ADCY2: variants seen among roughly 807,000 people sequenced by gnomAD.
The protein encoded by ADCY2 is adenylate cyclase 2.
Under a neutral mutation model 125.2 loss-of-function variants are expected in ADCY2, and 31 were observed. That is an observed-to-expected ratio of 0.25 (90% CI 0.19 to 0.33). The LOEUF is 0.33. ADCY2 is among the 10% of genes least tolerant of loss of function. The pLI, the probability that ADCY2 is intolerant of heterozygous loss-of-function variation, is 1.00. For missense variants in ADCY2, 904 were observed against 1,418.2 expected (o/e 0.64, Z 5.82); for synonymous variants, 512 against 548.4 (o/e 0.93, Z 0.93).
intron 22 of ADCY2, among the ~76,000 whole-genome samples, chr5:7,806,590 C>T (rs1744768845): frequency 6.6e-6 from 1 of 152,146 alleles, no homozygotes; most frequent in African/African-American, 2.4e-5. Flanking sequence ...TCTCTTAGGC[C>T]TCCCATGGAG....
In ADCY2 at chr5:7,775,710, C is replaced by T. The variant is rs375708103; in HGVS notation, c.2384+2609C>T. Among the ~76,000 whole-genome samples, 33 of 152,266 alleles carry T rather than the reference C, an allele frequency of 2.2e-4. No individual in the cohort carries two copies. In the South Asian group the frequency reaches 6.8e-3, roughly 32 times the overall value. On this transcript the variant is annotated intron_variant, in intron 18 of 24. Coordinates refer to ENST00000338316, the MANE Select transcript of ADCY2 (RefSeq NM_020546.3). ...CCAGACTTAGTTATTTTTAAATGTACAATTAAGTTATTATTGATTATAGTT... is the reference window on the plus strand; with the variant it reads ...CCAGACTTAGTTATTTTTAAATGTATAATTAAGTTATTATTGATTATAGTT...
intron 16 of ADCY2, among the ~76,000 whole-genome samples, chr5:7,761,867 G>A (rs1743230058): frequency 6.6e-6 from 1 of 152,190 alleles, no homozygotes; most frequent in African/African-American, 2.4e-5. Context: ...CGATCCTTTA[G>A]AGAGAGAACA....
At chr5:7,745,016 G>A (rs1229698445) in intron 15 of ADCY2, among the ~76,000 whole-genome samples, 4 of 152,164 alleles carry the variant, frequency 2.6e-5, no homozygotes, top group Non-Finnish European at 4.4e-5. Context: ...TGGCTTCTAT[G>A]AAAGAATTTT....
intron 12 of ADCY2, among the ~76,000 whole-genome samples, chr5:7,724,309 T>C (rs963305566): frequency 6.6e-6 from 1 of 152,024 alleles, no homozygotes; most frequent in Non-Finnish European, 1.5e-5. Flanking sequence ...GTTTATAATA[T>C]AGAATTTTCC....
chr5:7,501,524 A>G (rs1579509123), intron 2 of ADCY2, among the ~76,000 whole-genome samples: 1 of 152,116 alleles, frequency 6.6e-6, no homozygotes, highest in South Asian at 2.1e-4. Flanking sequence ...TAGTTTTGAT[A>G]TAGAATAAAA....
chr5:7,509,559 CCT>C (rs1457760017), intron 2 of ADCY2, among the ~76,000 whole-genome samples: 1 of 152,148 alleles, frequency 6.6e-6, no homozygotes, highest in Non-Finnish European at 1.5e-5. Context: ...TATTGTTTTA[CCT>C]CTGATTCCAT....
intron 7 of ADCY2, among the ~76,000 whole-genome samples, chr5:7,702,875 C>T (rs1225514528): frequency 6.6e-6 from 1 of 152,182 alleles, no homozygotes; most frequent in Non-Finnish European, 1.5e-5. Flanking sequence ...TTCTCCACGT[C>T]CTCTCCAGCA....
At chr5:7,736,300 A>C (rs1006366158) in intron 14 of ADCY2, among the ~76,000 whole-genome samples, 1 of 152,220 alleles carries the variant, frequency 6.6e-6, no homozygotes, top group Non-Finnish European at 1.5e-5. Flanking sequence ...CTTTGTAAGT[A>C]GATTTTTTTA....
intron 18 of ADCY2, among the ~76,000 whole-genome samples, chr5:7,775,457 C>G (rs549902588): frequency 3.0e-4 from 45 of 152,168 alleles, no homozygotes; most frequent in Admixed American, 8.5e-4. Context: ...GTGGTTTGAT[C>G]TCTGCTCAGT....
chr5:7,646,132 AC>A (rs1332051655), intron 4 of ADCY2, among the ~76,000 whole-genome samples: 7 of 152,138 alleles, frequency 4.6e-5, no homozygotes, highest in African/African-American at 7.2e-5. Flanking sequence ...TTTAAAAAAA[AC>A]GTTGGAAGCA....
At chr5:7,573,110 A>T (rs900279288) in intron 3 of ADCY2, among the ~76,000 whole-genome samples, 1 of 152,156 alleles carries the variant, frequency 6.6e-6, no homozygotes, top group African/African-American at 2.4e-5. Flanking sequence ...CCTAGAAGAA[A>T]CCAACTCTGC....
intron 3 of ADCY2, among the ~76,000 whole-genome samples, chr5:7,531,817 CAA>C (rs949340073): frequency 1.3e-4 from 20 of 152,290 alleles, no homozygotes; most frequent in Admixed American, 1.1e-3. Flanking sequence ...GACCTTATTC[CAA>C]AAGAGTCATA....
chr5:7,729,606 T>G (rs988758254), intron 14 of ADCY2, among the ~76,000 whole-genome samples: 7 of 151,456 alleles, frequency 4.6e-5, no homozygotes, highest in African/African-American at 1.7e-4. Flanking sequence ...TCATTTTTTT[T>G]TATGGTAAAT....
chr5:7,427,774 C>T (rs1579433636), intron 2 of ADCY2, among the ~76,000 whole-genome samples: 1 of 152,208 alleles, frequency 6.6e-6, no homozygotes, highest in African/African-American at 2.4e-5. Flanking sequence ...AAAATTCAAC[C>T]AGTAACAAGT....
At chr5:7,769,289 A>G (rs1372257147) in intron 17 of ADCY2, among the ~76,000 whole-genome samples, 1 of 152,248 alleles carries the variant, frequency 6.6e-6, no homozygotes, top group Non-Finnish European at 1.5e-5. Flanking sequence ...TGCAAATTTT[A>G]AAATACATTT....
In ADCY2 at chr5:7,654,326, G is replaced by A. The variant is rs188852029; in HGVS notation, c.720+28010G>A. The A allele has an allele frequency of 1.9e-3, 673 of 357,182 alleles. 10 individuals are homozygous for A. The Admixed American group carries it at 0.024, about 13-fold the overall frequency. 22.1% of individuals were successfully genotyped at this position (357,182 alleles called of 1,614,324 possible). A position where few individuals can be genotyped will look rare whatever the true frequency, so the allele number is the denominator to read the frequency against. On this transcript the variant is annotated intron_variant, in intron 4 of 24. Transcript: ENST00000338316. ...GAGAAGCCTCACTGCAGCACAGGGA[G>A]GCCAAGAGGGAAAACGGGATCGAGA...
intron 3 of ADCY2, among the ~76,000 whole-genome samples, chr5:7,549,825 C>T (rs950196296): frequency 1.3e-5 from 2 of 152,184 alleles, no homozygotes; most frequent in Non-Finnish European, 2.9e-5. Context: ...CTAGGTCGTA[C>T]CCGGAAGTGG....
intron 4 of ADCY2, among the ~76,000 whole-genome samples, chr5:7,661,054 T>G (rs1330933665): frequency 1.4e-5 from 2 of 147,636 alleles, no homozygotes; most frequent in African/African-American, 2.5e-5. Context: ...ATTTGTAAAG[T>G]TTTTTTTTAA....
At chr5:7,525,051 G>A (rs1734407613) in intron 3 of ADCY2, among the ~76,000 whole-genome samples, 1 of 152,002 alleles carries the variant, frequency 6.6e-6, no homozygotes, top group African/African-American at 2.4e-5. Context: ...CACCCAGGCT[G>A]GAGTGCAGTG....
Sources: gnomAD v4.1 joint callset for allele counts (sites outside exome capture counted in the v4.1 genomes callset) on GRCh38, gnomAD v4.1.1 for gene constraint, MANE v1.5 for transcripts, NCBI Gene and HGNC (gene_info 2026-07-23, HGNC 2026-07-21) for gene names.